The following FGF14 variants were observed in gnomAD, a reference collection of about 807,000 sequenced individuals.
FGF14 encodes fibroblast growth factor 14.
FGF14 carries 5 observed loss-of-function variants against 25.5 expected under a neutral mutation model. The observed-to-expected ratio is 0.20, with a 90% CI of 0.10 to 0.41. FGF14 has a LOEUF of 0.41. Among genes scored for constraint, FGF14 ranks in the 10% least tolerant of loss-of-function variants. The pLI is 1.00. For synonymous variants in FGF14, 138 were observed against 118.3 expected (o/e 1.17, Z -1.08); for missense variants, 222 against 320.1 (o/e 0.69, Z 2.34).
chr13:102,139,714 G>A (rs2046558266), intron 1 of FGF14, among the ~76,000 whole-genome samples: 1 of 152,062 alleles, frequency 6.6e-6, no homozygotes, highest in African/African-American at 2.4e-5. Context: ...AAATCAAAGA[G>A]TAGTCAGTTA....
chr13:102,013,231 A>T (rs1594987168), intron 1 of FGF14, among the ~76,000 whole-genome samples: 1 of 152,106 alleles, frequency 6.6e-6, no homozygotes, highest in Non-Finnish European at 1.5e-5. Context: ...AGCAAAGAAA[A>T]AGAAGGAAAT....
chr13:102,277,084 A>G (rs573687360), intron 1 of FGF14, among the ~76,000 whole-genome samples: 10 of 152,354 alleles, frequency 6.6e-5, no homozygotes, highest in African/African-American at 2.4e-4. Context: ...TTTGTAGATT[A>G]ATTTTATCAA....
chr13:101,778,951 G>A (rs2039317861), intron 3 of FGF14: 1 of 152,034 alleles, frequency 6.6e-6, no homozygotes, highest in Non-Finnish European at 1.5e-5. Context: ...CCACATTTGG[G>A]GAAATCACGG....
In FGF14 at chr13:101,905,195, C is replaced by T. The variant is rs569451866; in HGVS notation, c.193+11258G>A. On this transcript the variant is annotated intron_variant, in intron 1 of 4. Coordinates refer to ENST00000376143, the MANE Select transcript of FGF14 (RefSeq NM_004115.4). ...TGTAACATTACTGTCCCAGCAGTTT[C>T]TGCATCATGTTCTCTCAGAGGATTA... 9.9e-5 allele frequency among the ~76,000 whole-genome samples: 15 copies of T among 152,264 alleles called. No individual in the cohort carries two copies. The South Asian group carries it at 3.1e-3, about 32-fold the overall frequency.
At chr13:102,251,374 A>G (rs2052164659) in intron 1 of FGF14, among the ~76,000 whole-genome samples, 1 of 152,108 alleles carries the variant, frequency 6.6e-6, no homozygotes, top group Non-Finnish European at 1.5e-5. Context: ...ATGGCACTCT[A>G]AGCCTCTGGA....
intron 3 of FGF14, among the ~76,000 whole-genome samples, chr13:101,831,185 T>C (rs113666161): frequency 1.3e-5 from 2 of 152,062 alleles, no homozygotes. Flanking sequence ...AAATGAAACA[T>C]GTCAGGCACT....
At chr13:102,272,534 C>T (rs9585882) in intron 1 of FGF14, among the ~76,000 whole-genome samples, 5 of 152,080 alleles carry the variant, frequency 3.3e-5, no homozygotes, top group East Asian at 1.9e-4. Flanking sequence ...ATGGCAGGAA[C>T]GGTAGTAATA....
chr13:102,015,108 A>C (rs2040271038), intron 1 of FGF14, among the ~76,000 whole-genome samples: 1 of 152,150 alleles, frequency 6.6e-6, no homozygotes, highest in Non-Finnish European at 1.5e-5. Flanking sequence ...GGGTTTCACC[A>C]TGTTGGCCAG....
At chr13:102,385,066 T>C (rs1189234942) in intron 1 of FGF14, among the ~76,000 whole-genome samples, 1 of 152,188 alleles carries the variant, frequency 6.6e-6, no homozygotes, top group Non-Finnish European at 1.5e-5. Flanking sequence ...TAGAAATCAA[T>C]GATATACGAT....
At chr13:102,059,120 G>C (rs754064953) in intron 1 of FGF14, among the ~76,000 whole-genome samples, 1 of 152,094 alleles carries the variant, frequency 6.6e-6, no homozygotes. Flanking sequence ...AACCAATAAA[G>C]AATGTGCTCT....
intron 1 of FGF14, among the ~76,000 whole-genome samples, chr13:102,169,108 T>C (rs1433105278): frequency 2.6e-5 from 4 of 151,242 alleles, no homozygotes; most frequent in Non-Finnish European, 4.4e-5. Context: ...TATGAAGCTT[T>C]GTAAGATTCG....
chr13:101,926,017 C>T (rs1040838913), intron 1 of FGF14, among the ~76,000 whole-genome samples: 3 of 152,200 alleles, frequency 2.0e-5, no homozygotes, highest in African/African-American at 7.2e-5. Flanking sequence ...CCTCCCTCTT[C>T]AAGATCCTAG....
intron 1 of FGF14, among the ~76,000 whole-genome samples, chr13:101,965,047 G>T (rs550615545): frequency 6.6e-6 from 1 of 152,034 alleles, no homozygotes; most frequent in South Asian, 2.1e-4. Context: ...TTCAAAATCC[G>T]CCTGGCCAAC....
At chr13:102,318,811 A>G (rs1026570453) in intron 1 of FGF14, among the ~76,000 whole-genome samples, 5 of 152,162 alleles carry the variant, frequency 3.3e-5, no homozygotes, top group African/African-American at 7.2e-5. Context: ...GTTTCAACCC[A>G]TAACTCCAGG....
At chr13:101,800,813 T>C (rs2040829262) in intron 3 of FGF14, among the ~76,000 whole-genome samples, 1 of 152,114 alleles carries the variant, frequency 6.6e-6, no homozygotes, top group Admixed American at 6.5e-5. Flanking sequence ...TAATCAAAAG[T>C]CATAGAAAAT....
At chr13:102,113,870 TTA>T (rs2045344560) in intron 1 of FGF14, among the ~76,000 whole-genome samples, 1 of 152,222 alleles carries the variant, frequency 6.6e-6, no homozygotes, top group African/African-American at 2.4e-5. Flanking sequence ...GGGAAAATCA[TTA>T]CTACTTAGGC....
At chr13:102,062,217 C>T (rs539122323) in intron 1 of FGF14, among the ~76,000 whole-genome samples, 11 of 152,188 alleles carry the variant, frequency 7.2e-5, no homozygotes, top group African/African-American at 2.6e-4. Context: ...ATGATTTAAA[C>T]ATGGCTACCA....
At chr13:102,276,332 C>CGTGTGT (rs35937411) in intron 1 of FGF14, among the ~76,000 whole-genome samples, 13 of 108,460 alleles carry the variant, frequency 1.2e-4, no homozygotes, top group South Asian at 3.4e-4. Context: ...CACACACGTA[C>CGTGTGT]GTGTGTGTGT....
Position 101,722,200 on chromosome 13 carries a change from A to ATCTT in FGF14, c.*627_*630dup, listed in dbSNP as rs768848190. ...TCGATAGTGTGAGCCAGAGACAACA[A>ATCTT]TCTTTCTTAATCTTTCTTTATAGAT... On this transcript the variant is annotated 3_prime_UTR_variant, in exon 5 of 5. Coordinates refer to ENST00000376143, the MANE Select transcript of FGF14 (RefSeq NM_004115.4). 1 of 168,258 alleles carries ATCTT rather than the reference A, an allele frequency of 5.9e-6. No homozygotes were observed. Among genetic ancestry groups the ATCTT allele is most frequent in the South Asian group, 1.5e-4 (1 of 6,614 alleles). The allele number at this position is 168,258 out of a possible 1,614,324, so 10.4% of individuals were successfully genotyped here. A position where few individuals can be genotyped will look rare whatever the true frequency, so the allele number is the denominator to read the frequency against.
Sources: allele counts gnomAD v4.1 joint callset (sites outside exome capture counted in the v4.1 genomes callset), GRCh38; gene constraint gnomAD v4.1.1; transcripts MANE v1.5; gene names NCBI Gene and HGNC (gene_info 2026-07-23, HGNC 2026-07-21).